FSTL5: variants seen among roughly 807,000 people sequenced by gnomAD.
FSTL5 encodes follistatin-related protein 5.
FSTL5 carries 62 observed loss-of-function variants against 89.1 expected under a neutral mutation model. That is an observed-to-expected ratio of 0.70 (90% confidence interval 0.57 to 0.86). The LOEUF is 0.86. Ranked by LOEUF, FSTL5 falls within the 40% of genes least tolerant of loss-of-function variation. FSTL5 has a pLI of 0.00. For missense variants in FSTL5, 1,057 were observed against 1,001.6 expected (o/e 1.06, Z -0.75); for synonymous variants, 383 against 346.2 (o/e 1.11, Z -1.18).
At chr4:161,565,772 CACACACACACAT>C (rs1553998246) in intron 8 of FSTL5, among the ~76,000 whole-genome samples, 1 of 150,156 alleles carries the variant, frequency 6.7e-6, no homozygotes, top group Non-Finnish European at 1.5e-5. Context: ...CACACACACA[CACACACACACAT>C]ATATATGATA....
chr4:161,561,190 A>ACAT, intron 8 of FSTL5, among the ~76,000 whole-genome samples: 2 of 107,114 alleles, frequency 1.9e-5, no homozygotes, highest in African/African-American at 6.3e-5. Context: ...ACTGTATTTT[A>ACAT]GATGATAGAT....
chr4:161,485,636 C>T (rs1372879101), intron 12 of FSTL5, among the ~76,000 whole-genome samples: 1 of 151,930 alleles, frequency 6.6e-6, no homozygotes, highest in East Asian at 1.9e-4. Context: ...ATTTGTATTA[C>T]AAAAGTTTAA....
At chr4:161,721,151 G>T (rs996860806) in intron 6 of FSTL5, among the ~76,000 whole-genome samples, 2 of 151,642 alleles carry the variant, frequency 1.3e-5, no homozygotes, top group African/African-American at 2.4e-5. Context: ...GGTGGCGGGC[G>T]CCTGTAGTCC....
intron 2 of FSTL5, among the ~76,000 whole-genome samples, chr4:162,077,163 G>A (rs1729885420): frequency 6.6e-6 from 1 of 151,758 alleles, no homozygotes; most frequent in African/African-American, 2.4e-5. Flanking sequence ...AGCTTTCAAG[G>A]GCCTTCTTGC....
At chr4:161,802,578 G>T (rs1406573855) in intron 4 of FSTL5, among the ~76,000 whole-genome samples, 1 of 151,588 alleles carries the variant, frequency 6.6e-6, no homozygotes. Context: ...AGCATTAATT[G>T]TATTTAGTAT....
intron 3 of FSTL5, among the ~76,000 whole-genome samples, chr4:161,943,341 T>A (rs1466537685): frequency 1.3e-5 from 2 of 151,748 alleles, no homozygotes; most frequent in Non-Finnish European, 2.9e-5. Context: ...GTATACTTGT[T>A]ATTAGTTTTA....
intron 7 of FSTL5, among the ~76,000 whole-genome samples, chr4:161,608,194 A>G (rs1258900986): frequency 6.6e-6 from 1 of 152,152 alleles, no homozygotes; most frequent in Non-Finnish European, 1.5e-5. Context: ...AAATTACAAT[A>G]AAATGTGAAG....
Position 161,953,675 on chromosome 4 carries a change from T to C in FSTL5, c.161-33023A>G, listed in dbSNP as rs753659159. On this transcript the variant is annotated intron_variant, in intron 3 of 15. Coordinates refer to ENST00000306100, the MANE Select transcript of FSTL5 (RefSeq NM_020116.5). The stretch of plus-strand genomic sequence containing the variant: ...AAGATTACACAATTTTAGTTAGCCA[T>C]AGAATTAGCAAGCACATATTTTTTT... Among the ~76,000 whole-genome samples the C allele has an allele frequency of 1.8e-4, 27 of 151,748 alleles. No homozygotes were observed. In the South Asian group the frequency reaches 3.3e-3, roughly 19 times the overall value.
At chr4:161,451,005 A>G (rs1469976507) in intron 15 of FSTL5, among the ~76,000 whole-genome samples, 1 of 152,022 alleles carries the variant, frequency 6.6e-6, no homozygotes, top group Non-Finnish European at 1.5e-5. Flanking sequence ...CGGCCTCCCA[A>G]AGTGCTGGGA....
chr4:161,635,062 CTA>C (rs1368086740), intron 7 of FSTL5, among the ~76,000 whole-genome samples: 4 of 151,916 alleles, frequency 2.6e-5, no homozygotes, highest in Admixed American at 6.6e-5. Context: ...GTAATTGAAA[CTA>C]TGTTTGTCTC....
intron 10 of FSTL5, among the ~76,000 whole-genome samples, chr4:161,532,726 C>G (rs28404416): frequency 0.027 from 4,094 of 152,196 alleles, 172 homozygotes; most frequent in African/African-American, 0.092. Context: ...AAAATTGACA[C>G]CTGACCAATG....
chr4:161,423,929 G>A (rs889746528), intron 15 of FSTL5, among the ~76,000 whole-genome samples: 1 of 151,110 alleles, frequency 6.6e-6, no homozygotes, highest in Non-Finnish European at 1.5e-5. Context: ...GCGCAATCTG[G>A]GCTCACTGCA....
intron 1 of FSTL5, among the ~76,000 whole-genome samples, chr4:162,153,767 T>C (rs1733355593): frequency 7.5e-6 from 1 of 133,710 alleles, no homozygotes; most frequent in African/African-American, 2.7e-5. Context: ...TATATACATG[T>C]ATATTATATG....
intron 2 of FSTL5, among the ~76,000 whole-genome samples, chr4:162,079,003 G>A (rs1359663104): frequency 1.3e-5 from 2 of 151,782 alleles, no homozygotes; most frequent in Non-Finnish European, 2.9e-5. Flanking sequence ...TTGAGGTATT[G>A]TCTAACACAT....
At chr4:161,860,018 G>A (rs114476362) in intron 4 of FSTL5, among the ~76,000 whole-genome samples, 4,772 of 152,296 alleles carry the variant, frequency 0.031, 127 homozygotes, top group Admixed American at 0.039. Flanking sequence ...AATCTTGTTT[G>A]TGGCTCACCC....
intron 15 of FSTL5, among the ~76,000 whole-genome samples, chr4:161,447,372 A>G (rs1341036056): frequency 6.6e-6 from 1 of 152,122 alleles, no homozygotes; most frequent in East Asian, 1.9e-4. Context: ...CAAGAACATT[A>G]CATAGCAAAT....
chr4:161,515,604 C>T (rs1372844713), intron 10 of FSTL5, among the ~76,000 whole-genome samples: 2 of 150,560 alleles, frequency 1.3e-5, no homozygotes, highest in Non-Finnish European at 3.0e-5. Flanking sequence ...TATAATTTTT[C>T]ATTCCTTTTA....
At chr4:161,649,199 T>TAATTCAA (rs1736253007) in intron 7 of FSTL5, among the ~76,000 whole-genome samples, 1 of 152,204 alleles carries the variant, frequency 6.6e-6, no homozygotes, top group African/African-American at 2.4e-5. Flanking sequence ...ATGAGAAAGA[T>TAATTCAA]AATTCAAGAT....
At chr4:161,669,470 G>A (rs565236564) in intron 6 of FSTL5, among the ~76,000 whole-genome samples, 5 of 152,216 alleles carry the variant, frequency 3.3e-5, no homozygotes, top group South Asian at 2.1e-4. Context: ...GCAGAATAGA[G>A]AGGCCAGAAA....
Sources: allele counts gnomAD v4.1 joint callset (sites outside exome capture counted in the v4.1 genomes callset), GRCh38; gene constraint gnomAD v4.1.1; transcripts MANE v1.5; gene names NCBI Gene and HGNC (gene_info 2026-07-23, HGNC 2026-07-21).